The following SMOC2 variants were observed in gnomAD, a reference collection of about 807,000 sequenced individuals.
SMOC2 encodes SPARC related modular calcium binding 2, also known as SPARC-related modular calcium-binding protein 2.
Under a neutral mutation model 61.4 loss-of-function variants are expected in SMOC2, and 39 were observed. The ratio of observed to expected loss-of-function variants is 0.64; its 90% CI spans 0.49 to 0.83. The LOEUF (loss-of-function observed/expected upper bound fraction) is 0.83. Among genes scored for constraint, SMOC2 ranks in the 40% least tolerant of loss-of-function variants. The pLI is 0.00. For missense variants in SMOC2, 556 were observed against 592.9 expected, an observed-to-expected ratio of 0.94 and a Z score of 0.65; for synonymous variants, 247 against 239.9, an observed-to-expected ratio of 1.03 and a Z score of -0.27.
At chr6:168,655,615 A>T (rs1787301939) in intron 11 of SMOC2, 1 of 341,124 alleles carries the variant, frequency 2.9e-6, no homozygotes, top group African/African-American at 2.1e-5. Flanking sequence ...CCCCCTGCAC[A>T]TGTGTGCTGG....
intron 9 of SMOC2, among the ~76,000 whole-genome samples, chr6:168,624,745 ACACACACT>A (rs1786348981): frequency 6.6e-6 from 1 of 151,800 alleles, no homozygotes; most frequent in African/African-American, 2.4e-5. Context: ...ATACAGATTC[ACACACACT>A]CACAGACACA....
chr6:168,612,838 A>G (rs1184778179), intron 9 of SMOC2, among the ~76,000 whole-genome samples: 3 of 152,220 alleles, frequency 2.0e-5, no homozygotes, highest in Admixed American at 6.5e-5. Flanking sequence ...TCCAGAGCAG[A>G]GCAGGCCCAG....
Position 168,511,811 on chromosome 6 carries a change from G to GTTTTTTTTTTT in SMOC2, c.256+1727_256+1728insTTTTTTTTTTT, listed in dbSNP as rs144317852. Reference sequence around the variant, plus strand: ...GACAAATGGCTATTCATTATCAAGGGTTGTTTTTTTTTTTTTTTCTGAAAT... The same window carrying GTTTTTTTTTTT: ...GACAAATGGCTATTCATTATCAAGGGTTTTTTTTTTTTTGTTTTTTTTTTTTTTTCTGAAAT... On this transcript the variant is annotated intron_variant, in intron 2 of 12. Coordinates refer to ENST00000356284, the MANE Select transcript of SMOC2 (RefSeq NM_001166412.2). 2.3e-5 allele frequency among the ~76,000 whole-genome samples: 3 copies of GTTTTTTTTTTT among 130,732 alleles called. 1 individual carries two copies. Among genetic ancestry groups the GTTTTTTTTTTT allele is most frequent in the Non-Finnish European group, 4.8e-5 (3 of 62,638 alleles). The allele number at this position is 130,732 out of a possible 152,430, so 85.8% of individuals were successfully genotyped here. A position where few individuals can be genotyped will look rare whatever the true frequency, so the allele number is the denominator to read the frequency against.
intron 1 of SMOC2, among the ~76,000 whole-genome samples, chr6:168,494,080 T>C (rs1165466791): frequency 1.3e-5 from 2 of 152,246 alleles, no homozygotes; most frequent in Non-Finnish European, 2.9e-5. Flanking sequence ...CATTGTTTTC[T>C]TGGTTTGACA....
At chr6:168,602,148 C>T (rs1450376062) in intron 8 of SMOC2, among the ~76,000 whole-genome samples, 1 of 152,178 alleles carries the variant, frequency 6.6e-6, no homozygotes, top group Non-Finnish European at 1.5e-5. Context: ...CTGCGGTTTA[C>T]ACTCTTCCAG....
At chr6:168,656,105 G>A (rs368232564) in intron 11 of SMOC2, among the ~76,000 whole-genome samples, 9 of 152,240 alleles carry the variant, frequency 5.9e-5, no homozygotes, top group South Asian at 2.1e-4. Flanking sequence ...AGTAGACACC[G>A]CTCAAATCTC....
At chr6:168,541,026 TA>T (rs1195626931) in intron 4 of SMOC2, among the ~76,000 whole-genome samples, 2 of 152,210 alleles carry the variant, frequency 1.3e-5, no homozygotes, top group Non-Finnish European at 2.9e-5. Flanking sequence ...AACACGTTGT[TA>T]AGGCTGAGAG....
chr6:168,651,027 G>T (rs932316997), intron 10 of SMOC2, among the ~76,000 whole-genome samples: 1 of 152,348 alleles, frequency 6.6e-6, no homozygotes, highest in Non-Finnish European at 1.5e-5. Flanking sequence ...GCCTCTGCGG[G>T]GTAGTGGGCT....
At position 168,667,764 on chromosome 6, in the gene SMOC2, T is replaced by C. The variant is rs1787699024; in HGVS notation, c.*1326T>C. On this transcript the variant is annotated 3_prime_UTR_variant, in exon 13 of 13. Transcript: ENST00000356284. ...ATCCCCTGAGACATGCCTTGTAGAA[T>C]GATTTTGTGATGTTGTGATGCTTGT... 6.6e-6 allele frequency: 1 copy of C among 152,182 alleles called. No individual in the cohort carries two copies. The highest frequency in any genetic ancestry group is 2.1e-4 in the South Asian group (1 of 4,834). The allele number at this position is 152,182 out of a possible 1,614,324, so 9.4% of individuals were successfully genotyped here. A position where few individuals can be genotyped will look rare whatever the true frequency, so the allele number is the denominator to read the frequency against.
chr6:168,507,285 C>A (rs1336451604), intron 1 of SMOC2, among the ~76,000 whole-genome samples: 1 of 152,208 alleles, frequency 6.6e-6, no homozygotes, highest in African/African-American at 2.4e-5. Flanking sequence ...TCCATCTTTT[C>A]ATCTACAGTA....
At chr6:168,510,721 G>A (rs1782986775) in intron 2 of SMOC2, among the ~76,000 whole-genome samples, 1 of 152,182 alleles carries the variant, frequency 6.6e-6, no homozygotes, top group Admixed American at 6.5e-5. Flanking sequence ...CCTCTTAAAT[G>A]AAACAAAACA....
intron 7 of SMOC2, among the ~76,000 whole-genome samples, chr6:168,554,553 C>T (rs34412982): frequency 0.14 from 21,688 of 152,188 alleles, 1,621 homozygotes; most frequent in Middle Eastern, 0.18. Context: ...GGAGGCCCCC[C>T]GTCTCAGGCC....
chr6:168,556,173 G>A (rs1318386142), intron 7 of SMOC2, among the ~76,000 whole-genome samples: 1 of 152,186 alleles, frequency 6.6e-6, no homozygotes, highest in East Asian at 1.9e-4. Context: ...CGGGAGGGAA[G>A]GAGGGACTCA....
At chr6:168,491,387 G>A (rs573307280) in intron 1 of SMOC2, among the ~76,000 whole-genome samples, 3 of 152,312 alleles carry the variant, frequency 2.0e-5, no homozygotes, top group East Asian at 1.9e-4. Context: ...TGAGAGTCAA[G>A]AGAAGAATTA....
intron 9 of SMOC2, among the ~76,000 whole-genome samples, chr6:168,619,851 C>T (rs1354032716): frequency 6.6e-6 from 1 of 152,222 alleles, no homozygotes; most frequent in African/African-American, 2.4e-5. Context: ...GTAGCCAGTG[C>T]CTGCCATGGT....
intron 7 of SMOC2, among the ~76,000 whole-genome samples, chr6:168,574,744 C>G (rs890189043): frequency 6.6e-6 from 1 of 152,092 alleles, no homozygotes; most frequent in Non-Finnish European, 1.5e-5. Flanking sequence ...CTGTCCTTCC[C>G]GACCTCCCTG....
At chr6:168,472,332 A>G (rs1361178326) in intron 1 of SMOC2, among the ~76,000 whole-genome samples, 1 of 151,052 alleles carries the variant, frequency 6.6e-6, no homozygotes, top group African/African-American at 2.4e-5. Flanking sequence ...TGGTCTTGCC[A>G]TCATTACTGA....
intron 7 of SMOC2, among the ~76,000 whole-genome samples, chr6:168,597,633 AC>A (rs1233211920): frequency 6.6e-6 from 1 of 152,132 alleles, no homozygotes; most frequent in Admixed American, 6.5e-5. Context: ...TAAACTATAC[AC>A]TGTAGTTAAT....
chr6:168,626,893 C>G (rs1457403351), intron 9 of SMOC2, among the ~76,000 whole-genome samples: 1 of 152,186 alleles, frequency 6.6e-6, no homozygotes, highest in Non-Finnish European at 1.5e-5. Context: ...CAGCCCAGTT[C>G]TCTGTTGCCT....
Sources: gnomAD v4.1 joint callset for allele counts (sites outside exome capture counted in the v4.1 genomes callset) on GRCh38, gnomAD v4.1.1 for gene constraint, MANE v1.5 for transcripts, NCBI Gene and HGNC (gene_info 2026-07-23, HGNC 2026-07-21) for gene names.